ARHGAP26: variants seen among roughly 807,000 people sequenced by gnomAD.
The protein encoded by ARHGAP26 is Rho GTPase activating protein 26, also known as rho GTPase-activating protein 26.
In ARHGAP26, 38 loss-of-function variants were observed where a neutral mutation model predicts 104.8. The observed-to-expected ratio is 0.36, with a 90% CI of 0.28 to 0.48. ARHGAP26 has a LOEUF of 0.48. Among genes scored for constraint, ARHGAP26 ranks in the 20% least tolerant of loss-of-function variants. The pLI is 0.99. For missense variants in ARHGAP26, 704 were observed against 947.9 expected, an observed-to-expected ratio of 0.74 and a Z score of 3.38; for synonymous variants, 341 against 340.0, an observed-to-expected ratio of 1.00 and a Z score of -0.03.
At chr5:142,898,517 C>A (rs1185431839) in intron 6 of ARHGAP26, among the ~76,000 whole-genome samples, 2 of 152,156 alleles carry the variant, frequency 1.3e-5, no homozygotes, top group African/African-American at 4.8e-5. Flanking sequence ...TGTCCCATTG[C>A]AGGCCTTCAT....
chr5:143,222,492 C>T lies in ARHGAP26; in HGVS notation c.*46C>T, dbSNP rs1323373249. 1 of 1,475,402 alleles carries T rather than the reference C, an allele frequency of 6.8e-7. No homozygotes were observed. The highest frequency in any genetic ancestry group is 9.2e-7 in the Non-Finnish European group (1 of 1,083,254). The allele number at this position is 1,475,402 out of a possible 1,614,324, so 91.4% of individuals were successfully genotyped here. A position where few individuals can be genotyped will look rare whatever the true frequency, so the allele number is the denominator to read the frequency against. ...GCTGAGCTTTACATGGTATCCATGA[C>T]AACTGCTGATTCCAGTGTCGAGGCC... On this transcript the variant is annotated 3_prime_UTR_variant, in exon 23 of 23. Coordinates refer to ENST00000645722, the MANE Select transcript of ARHGAP26 (RefSeq NM_001135608.3).
chr5:143,084,659 A>T (rs1434613765), intron 17 of ARHGAP26, among the ~76,000 whole-genome samples: 1 of 152,128 alleles, frequency 6.6e-6, no homozygotes, highest in African/African-American at 2.4e-5. Context: ...TCTCCACTCC[A>T]TGCCAAAGGC....
At chr5:142,825,474 C>G (rs1472105591) in intron 1 of ARHGAP26, among the ~76,000 whole-genome samples, 1 of 152,162 alleles carries the variant, frequency 6.6e-6, no homozygotes, top group Middle Eastern at 3.2e-3. Flanking sequence ...TGGTCTCCTT[C>G]CCGTTGTCCA....
Position 143,155,668 on chromosome 5 carries a change from C to T in ARHGAP26, c.1988+8287C>T, listed in dbSNP as rs766085793. 5.3e-5 allele frequency among the ~76,000 whole-genome samples: 8 copies of T among 152,278 alleles called. 1 individual carries two copies. The highest frequency in any genetic ancestry group is 4.4e-5 in the Non-Finnish European group (3 of 68,014). On this transcript the variant is annotated intron_variant, in intron 20 of 22. Transcript: ENST00000645722. ...ATGGGAGGAGGTAAGGGCAGAGCGCCGTTTGAATGCCTAGCCACATCCCTG... is the reference window on the plus strand; with the variant it reads ...ATGGGAGGAGGTAAGGGCAGAGCGCTGTTTGAATGCCTAGCCACATCCCTG...
intron 17 of ARHGAP26, among the ~76,000 whole-genome samples, chr5:143,091,601 A>C (rs1791443778): frequency 6.6e-6 from 1 of 152,190 alleles, no homozygotes; most frequent in Non-Finnish European, 1.5e-5. Flanking sequence ...ACTAAATTTC[A>C]CCTTTATATT....
chr5:142,881,553 T>C (rs979792096), intron 4 of ARHGAP26, among the ~76,000 whole-genome samples: 1 of 152,230 alleles, frequency 6.6e-6, no homozygotes, highest in African/African-American at 2.4e-5. Context: ...TATTGATTAT[T>C]AAATAACTTT....
Position 143,154,114 on chromosome 5 carries a change from G to GCC in ARHGAP26, c.1988+6734_1988+6735dup, listed in dbSNP as rs147940618. 4.6e-3 allele frequency among the ~76,000 whole-genome samples: 697 copies of GCC among 151,470 alleles called. 3 individuals are homozygous for GCC. Among genetic ancestry groups the GCC allele is most frequent in the African/African-American group, 0.016 (672 of 41,138 alleles). ...AATGTCAATTGAACTCCTACTGTGG[G>GCC]CCTGGTGGTGGTCTGAGTGCTGAAG... On this transcript the variant is annotated intron_variant, in intron 20 of 22. Transcript: ENST00000645722.
chr5:142,918,542 T>G (rs1248137370), intron 10 of ARHGAP26, among the ~76,000 whole-genome samples: 1 of 152,242 alleles, frequency 6.6e-6, no homozygotes, highest in Non-Finnish European at 1.5e-5. Flanking sequence ...AAAGTAGACC[T>G]ATACTCTCAT....
chr5:143,034,581 G>A (rs245828), intron 12 of ARHGAP26, among the ~76,000 whole-genome samples: 69,745 of 151,992 alleles, frequency 0.46, 18,899 homozygotes, highest in African/African-American at 0.75. Context: ...CACAGCTGGG[G>A]GAAGGGAAGA....
chr5:142,896,288 C>T (rs115233191), intron 6 of ARHGAP26, among the ~76,000 whole-genome samples: 2,267 of 152,258 alleles, frequency 0.015, 65 homozygotes, highest in African/African-American at 0.052. Flanking sequence ...ATATATACTT[C>T]GATTAATATT....
At chr5:142,895,843 A>T (rs180759634) in intron 6 of ARHGAP26, among the ~76,000 whole-genome samples, 4 of 152,180 alleles carry the variant, frequency 2.6e-5, no homozygotes, top group African/African-American at 9.7e-5. Flanking sequence ...ACAAAAAAAG[A>T]TTACAATCGG....
At chr5:142,993,218 G>A (rs1181521613) in intron 11 of ARHGAP26, among the ~76,000 whole-genome samples, 42 of 147,096 alleles carry the variant, frequency 2.9e-4, no homozygotes, top group Admixed American at 2.0e-3. Context: ...GCCGGACTGC[G>A]GACTGCAGTG....
In ARHGAP26 at chr5:142,927,716, G is replaced by T. The variant is rs558887311; in HGVS notation, c.1029-4331G>T. ...AGAGGTAGAATTGCTAGGTCATAGGGCAGGTTTATGTTTAGTTCTAGCAGA... is the reference window on the plus strand; with the variant it reads ...AGAGGTAGAATTGCTAGGTCATAGGTCAGGTTTATGTTTAGTTCTAGCAGA... On this transcript the variant is annotated intron_variant, in intron 10 of 22. Transcript: ENST00000645722. Among the ~76,000 whole-genome samples the T allele has an allele frequency of 2.0e-4, 31 of 152,230 alleles. 1 individual carries two copies. The South Asian group carries it at 6.2e-3, about 31-fold the overall frequency.
rs375967427 is a variant in ARHGAP26, at chr5:142,893,427, C to T, written c.487-811C>T. Among the ~76,000 whole-genome samples the T allele has an allele frequency of 7.9e-5, 12 of 152,280 alleles. No homozygotes were observed. In the South Asian group the frequency reaches 2.3e-3, roughly 29 times the overall value. On this transcript the variant is annotated intron_variant, in intron 5 of 22. Transcript: ENST00000645722. ...ATGACCTCCAGTTCCATTCATGTTG[C>T]TGCAGATGACAGAATTCCATTCTTT...
intron 17 of ARHGAP26, among the ~76,000 whole-genome samples, chr5:143,070,285 A>T (rs1562367124): frequency 6.6e-6 from 1 of 152,138 alleles, no homozygotes; most frequent in African/African-American, 2.4e-5. Context: ...TTCCCTTCCA[A>T]ATGTTGTCTG....
chr5:142,912,305 C>G (rs7723139), intron 9 of ARHGAP26, among the ~76,000 whole-genome samples: 18,229 of 152,140 alleles, frequency 0.12, 2,145 homozygotes, highest in African/African-American at 0.31. Context: ...AAAAGCCAGA[C>G]AAAAAGAGCA....
rs369954553 is a variant in ARHGAP26 at position 143,042,826 on chromosome 5, T to G, written c.1285+936T>G. Among the ~76,000 whole-genome samples, 132 of 152,286 alleles carry G rather than the reference T, an allele frequency of 8.7e-4. 3 individuals are homozygous for G. The East Asian group carries it at 0.023, about 27-fold the overall frequency. On this transcript the variant is annotated intron_variant, in intron 14 of 22. Transcript: ENST00000645722. ...CTGTCTTCACCTCTTTTTGAGAGAGTCATTCACTTCTTGTAGCCAAAACCC... is the reference window on the plus strand; with the variant it reads ...CTGTCTTCACCTCTTTTTGAGAGAGGCATTCACTTCTTGTAGCCAAAACCC...
intron 11 of ARHGAP26, among the ~76,000 whole-genome samples, chr5:142,967,662 G>A (rs1011369813): frequency 9.9e-5 from 15 of 152,284 alleles, no homozygotes; most frequent in African/African-American, 3.1e-4. Context: ...TAGGCACTTA[G>A]ATGATAGAAT....
intron 14 of ARHGAP26, among the ~76,000 whole-genome samples, chr5:143,046,482 T>A (rs1784254050): frequency 6.6e-6 from 1 of 152,192 alleles, no homozygotes; most frequent in African/African-American, 2.4e-5. Context: ...TTGCTAAAAT[T>A]CCTCATAGCA....
Sources: gnomAD v4.1 joint callset for allele counts (sites outside exome capture counted in the v4.1 genomes callset) on GRCh38, gnomAD v4.1.1 for gene constraint, MANE v1.5 for transcripts, NCBI Gene and HGNC (gene_info 2026-07-23, HGNC 2026-07-21) for gene names.